Variants in NXPH1 observed in about 807,000 individuals in gnomAD.
NXPH1 encodes the protein neurexophilin-1.
A neutral mutation model predicts 23.7 loss-of-function variants in NXPH1; 5 were observed. That is an observed-to-expected ratio of 0.21 (90% confidence interval 0.11 to 0.44). The LOEUF is 0.44. Among genes scored for constraint, NXPH1 ranks in the 20% least tolerant of loss-of-function variants. NXPH1 has a pLI of 0.99. For missense variants in NXPH1, 324 were observed against 321.6 expected, an observed-to-expected ratio of 1.01 and a Z score of -0.06; for synonymous variants, 144 against 122.2, an observed-to-expected ratio of 1.18 and a Z score of -1.18.
At position 8,744,822 on chromosome 7, in the gene NXPH1, C is replaced by T. The variant is rs141425861; in HGVS notation, c.55-6186C>T. On this transcript the variant is annotated intron_variant, in intron 2 of 2. Transcript: ENST00000405863. ...GAATCATCAAGCTTAGTTAATCCTA[C>T]GTCTGAATTATCCCTTAGATCCATC... 1.8e-4 allele frequency among the ~76,000 whole-genome samples: 28 copies of T among 152,322 alleles called. No individual in the cohort carries two copies. The East Asian group carries it at 3.7e-3, about 20-fold the overall frequency.
At chr7:8,603,765 C>T (rs1326702398) in intron 2 of NXPH1, among the ~76,000 whole-genome samples, 1 of 152,112 alleles carries the variant, frequency 6.6e-6, no homozygotes, top group African/African-American at 2.4e-5. Flanking sequence ...TTTTATCTTT[C>T]ACCACACTGT....
At chr7:8,592,637 C>A (rs1299428504) in intron 2 of NXPH1, among the ~76,000 whole-genome samples, 1 of 151,866 alleles carries the variant, frequency 6.6e-6, no homozygotes, top group African/African-American at 2.4e-5. Context: ...CCACAATGGG[C>A]CAGATAGTAA....
chr7:8,526,778 C>G (rs972670414), intron 2 of NXPH1, among the ~76,000 whole-genome samples: 1 of 152,200 alleles, frequency 6.6e-6, no homozygotes, highest in East Asian at 1.9e-4. Context: ...GCCTCCCCAG[C>G]CATGTGGAAC....
At chr7:8,496,265 G>GGT (rs1052058335) in intron 2 of NXPH1, among the ~76,000 whole-genome samples, 1 of 151,986 alleles carries the variant, frequency 6.6e-6, no homozygotes, top group African/African-American at 2.4e-5. Flanking sequence ...CAGAGGAGCT[G>GGT]GTGTGTGAAG....
intron 2 of NXPH1, among the ~76,000 whole-genome samples, chr7:8,556,855 C>A (rs901048286): frequency 1.3e-5 from 2 of 151,656 alleles, no homozygotes; most frequent in African/African-American, 2.4e-5. Flanking sequence ...CAGGCATGGG[C>A]TAAAGGGCTT....
At chr7:8,489,549 G>A (rs1452803362) in intron 2 of NXPH1, among the ~76,000 whole-genome samples, 1 of 151,986 alleles carries the variant, frequency 6.6e-6, no homozygotes, top group East Asian at 1.9e-4. Flanking sequence ...ACTATTAAAC[G>A]GTTGATTCAT....
chr7:8,635,578 G>A (rs1379011620), intron 2 of NXPH1, among the ~76,000 whole-genome samples: 3 of 152,186 alleles, frequency 2.0e-5, no homozygotes, highest in African/African-American at 7.2e-5. Flanking sequence ...CATCAAGATA[G>A]ATATGTTAGA....
intron 2 of NXPH1, among the ~76,000 whole-genome samples, chr7:8,482,088 C>T (rs1433439447): frequency 6.6e-6 from 1 of 152,212 alleles, no homozygotes; most frequent in Non-Finnish European, 1.5e-5. Flanking sequence ...TGGGATTACG[C>T]AGAAGCTGTG....
chr7:8,587,643 A>G (rs981748166), intron 2 of NXPH1, among the ~76,000 whole-genome samples: 1 of 151,910 alleles, frequency 6.6e-6, no homozygotes, highest in Admixed American at 6.6e-5. Flanking sequence ...CTAGCCCCCA[A>G]CCGCCCAACA....
intron 2 of NXPH1, among the ~76,000 whole-genome samples, chr7:8,649,140 C>G (rs1562442229): frequency 6.6e-6 from 1 of 151,926 alleles, no homozygotes; most frequent in Non-Finnish European, 1.5e-5. Flanking sequence ...TTTAAATCAG[C>G]CCTAAGCTGA....
At chr7:8,721,405 G>T (rs904856219) in intron 2 of NXPH1, among the ~76,000 whole-genome samples, 1 of 152,054 alleles carries the variant, frequency 6.6e-6, no homozygotes, top group Non-Finnish European at 1.5e-5. Context: ...ATCTAAATAC[G>T]TTTTTGTGCA....
intron 2 of NXPH1, among the ~76,000 whole-genome samples, chr7:8,726,274 T>C (rs888081891): frequency 6.6e-6 from 1 of 151,724 alleles, no homozygotes; most frequent in African/African-American, 2.4e-5. Context: ...CGTTTGCTTC[T>C]TTTTCTTTTT....
At chr7:8,648,674 G>C (rs1820435685) in intron 2 of NXPH1, among the ~76,000 whole-genome samples, 1 of 152,156 alleles carries the variant, frequency 6.6e-6, no homozygotes, top group African/African-American at 2.4e-5. Flanking sequence ...ATGTGTGCTT[G>C]AGAATAATGT....
intron 2 of NXPH1, among the ~76,000 whole-genome samples, chr7:8,564,777 C>G (rs556539192): frequency 6.6e-6 from 1 of 151,908 alleles, no homozygotes; most frequent in Admixed American, 6.6e-5. Flanking sequence ...TAGTCAATTA[C>G]TGCTCAAGTT....
chr7:8,740,765 A>G (rs1207543536), intron 2 of NXPH1, among the ~76,000 whole-genome samples: 3 of 151,900 alleles, frequency 2.0e-5, no homozygotes, highest in African/African-American at 7.3e-5. Context: ...ACTGATATGT[A>G]ATTGACCAAT....
rs190091712 is a variant in NXPH1 at position 8,466,135 on chromosome 7, T to G, written c.54+30368T>G. ...CCCTCACTGACTTTTGTGAGTACCTTGAAAAGTCATTAAAAAATACAAAAG... is the reference window on the plus strand; with the variant it reads ...CCCTCACTGACTTTTGTGAGTACCTGGAAAAGTCATTAAAAAATACAAAAG... On this transcript the variant is annotated intron_variant, in intron 2 of 2. Coordinates refer to ENST00000405863, the MANE Select transcript of NXPH1 (RefSeq NM_152745.3). Among the ~76,000 whole-genome samples, 70 of 152,268 alleles carry G rather than the reference T, an allele frequency of 4.6e-4. 1 individual carries two copies. Among genetic ancestry groups the G allele is most frequent in the Middle Eastern group, 3.4e-3 (1 of 294 alleles).
chr7:8,568,240 A>C (rs1818582307), intron 2 of NXPH1, among the ~76,000 whole-genome samples: 1 of 151,904 alleles, frequency 6.6e-6, no homozygotes, highest in Non-Finnish European at 1.5e-5. Flanking sequence ...AAATGTTTTC[A>C]GCATTTAAAA....
intron 2 of NXPH1, among the ~76,000 whole-genome samples, chr7:8,731,788 C>G (rs1224638848): frequency 6.6e-6 from 1 of 152,226 alleles, no homozygotes; most frequent in Non-Finnish European, 1.5e-5. Flanking sequence ...TTACTGCTGT[C>G]TTTTTGTTTG....
At chr7:8,511,350 T>C (rs1051141878) in intron 2 of NXPH1, among the ~76,000 whole-genome samples, 7 of 152,114 alleles carry the variant, frequency 4.6e-5, no homozygotes, top group Non-Finnish European at 8.8e-5. Flanking sequence ...AGCCACAATT[T>C]TGCATTTCCT....
Sources: gnomAD v4.1 joint callset for allele counts (sites outside exome capture counted in the v4.1 genomes callset) on GRCh38, gnomAD v4.1.1 for gene constraint, MANE v1.5 for transcripts, NCBI Gene and HGNC (gene_info 2026-07-23, HGNC 2026-07-21) for gene names.